POLR1A: variants seen among roughly 807,000 people sequenced by gnomAD.
POLR1A encodes the protein RNA polymerase I subunit A.
In POLR1A, 84 loss-of-function variants were observed where a neutral mutation model predicts 205.3. The ratio of observed to expected loss-of-function variants is 0.41; its 90% confidence interval spans 0.34 to 0.49. The LOEUF is 0.49. POLR1A is among the 20% of genes least tolerant of loss of function. The probability of loss-of-function intolerance (pLI) is 0.22; values close to 1 mark genes in which losing one functional copy is unlikely to be tolerated. For synonymous variants in POLR1A, 799 were observed against 863.7 expected (o/e 0.93, Z 1.31); for missense variants, 1,645 against 2,204.5 (o/e 0.75, Z 5.08).
rs1377284700 is a variant in POLR1A, at chr2:86,047,037, G to C, written c.2733+128C>G. The C allele has an allele frequency of 6.4e-6, 4 of 628,540 alleles. No individual in the cohort carries two copies. In the African/African-American group the frequency reaches 7.2e-5, roughly 11 times the overall value. 38.9% of individuals were successfully genotyped at this position (628,540 alleles called of 1,614,324 possible). On this transcript the variant is annotated intron_variant, in intron 19 of 33. Coordinates refer to ENST00000263857, the MANE Select transcript of POLR1A (RefSeq NM_015425.6). The stretch of plus-strand genomic sequence containing the variant: ...ATGTTAACAGTGGTTAGCTCCTGTA[G>C]TGATTTCTACACGCTTTCCTCTTTT...
Position 86,021,999 on chromosome 2 carries a change from C to T in POLR1A, c.*5424G>A, listed in dbSNP as rs1690150148. 1 of 152,202 alleles carries T rather than the reference C, an allele frequency of 6.6e-6. No homozygotes were observed. The highest frequency in any genetic ancestry group is 1.5e-5 in the Non-Finnish European group (1 of 68,042). 9.4% of individuals were successfully genotyped at this position (152,202 alleles called of 1,614,324 possible). Reference sequence around the variant, plus strand: ...CGGGTAACTCAGAGTTGAGTTAAACCCTGCTCCTTGATGACCACTCGTGGT... The same window carrying T: ...CGGGTAACTCAGAGTTGAGTTAAACTCTGCTCCTTGATGACCACTCGTGGT... On this transcript the variant is annotated 3_prime_UTR_variant, in exon 34 of 34. Coordinates refer to ENST00000263857, the MANE Select transcript of POLR1A (RefSeq NM_015425.6).
chr2:86,066,951 T>C (rs945137483), intron 13 of POLR1A, among the ~76,000 whole-genome samples: 11 of 152,328 alleles, frequency 7.2e-5, no homozygotes, highest in Non-Finnish European at 1.5e-4. Context: ...ACCAGTATTA[T>C]GCATTTGACT....
rs958235624 is a variant in POLR1A, at chr2:86,049,145, G to A, written c.2475+15C>T. On this transcript the variant is annotated intron_variant, in intron 17 of 33. Coordinates refer to ENST00000263857, the MANE Select transcript of POLR1A (RefSeq NM_015425.6). ...CCCCTCTAGGGCAGGCCACGGCCTC[G>A]AAGTCCCTCCTTACCTGGGGCCCGC... The A allele has an allele frequency of 8.7e-6, 14 of 1,611,854 alleles. No homozygotes were observed. Among genetic ancestry groups the A allele is most frequent in the East Asian group, 4.5e-5 (2 of 44,890 alleles).
At chr2:86,083,211 A>C (rs367627166) in intron 6 of POLR1A, 43 bp from the exon 7 acceptor site, 1 of 1,347,506 alleles carries the variant, frequency 7.4e-7, no homozygotes, top group East Asian at 2.3e-5. Flanking sequence ...AATCAGAAAC[A>C]GGTACTCTTT....
chr2:86,056,878 G>A (rs1030767512), intron 14 of POLR1A, among the ~76,000 whole-genome samples: 3 of 152,166 alleles, frequency 2.0e-5, no homozygotes, highest in African/African-American at 7.2e-5. Flanking sequence ...TATTACTACT[G>A]TTCATTGACA....
intron 6 of POLR1A, among the ~76,000 whole-genome samples, chr2:86,086,883 T>C (rs982303535): frequency 7.2e-5 from 11 of 152,356 alleles, no homozygotes; most frequent in South Asian, 2.1e-4. Context: ...TCCCAACTGG[T>C]AATACAAGAA....
At chr2:86,027,739 T>C in intron 33 of POLR1A, 146 bp downstream of exon 33, 1 of 923,268 alleles carries the variant, frequency 1.1e-6, no homozygotes, top group Non-Finnish European at 1.7e-6. Flanking sequence ...GTGTCTGCTG[T>C]TCAGCCCCCT....
intron 11 of POLR1A, among the ~76,000 whole-genome samples, chr2:86,077,431 G>C (rs1237635121): frequency 6.6e-6 from 1 of 152,184 alleles, no homozygotes; most frequent in Non-Finnish European, 1.5e-5. Context: ...ACACATTTCT[G>C]ATGCCTGGAA....
rs1174102017 is a variant in POLR1A at position 86,028,101 on chromosome 2, A to T, written c.4898-52T>A. ...GGGATTAAGCAGTGACCACGGGAGC[A>T]GTCAGCAGACACAAGCCAAGCTGCC... On this transcript the variant is annotated intron_variant, in intron 32 of 33. Transcript: ENST00000263857. This position sits in a 1 kb window ranked among gnomAD's most constrained non-coding sequence, Gnocchi z 4.5. The T allele has an allele frequency of 8.2e-6, 13 of 1,585,440 alleles. No individual in the cohort carries two copies. In the South Asian group the frequency reaches 1.3e-4, roughly 16 times the overall value.
chr2:86,039,322 G>C lies in POLR1A; in HGVS notation c.3876+5C>G. On this transcript the variant is annotated splice_donor_5th_base_variant and intron_variant, in intron 26 of 33. Transcript: ENST00000263857. ...CGTCTGCAACCTGGGAAGGAGAGAC[G>C]TTACCTCCCCCAAGCACACCCTGGT... 1.9e-6 allele frequency: 3 copies of C among 1,613,592 alleles called. No individual in the cohort carries two copies. The highest frequency in any genetic ancestry group is 2.5e-6 in the Non-Finnish European group (3 of 1,179,946).
At chr2:86,036,094 C>T (rs760947656) in intron 27 of POLR1A, among the ~76,000 whole-genome samples, 8 of 152,286 alleles carry the variant, frequency 5.3e-5, no homozygotes, top group South Asian at 2.1e-4. Flanking sequence ...AGAAGCCTCC[C>T]GTCCCACGTA....
Position 86,023,541 on chromosome 2 carries a change from A to C in POLR1A, c.*3882T>G, listed in dbSNP as rs1389457002. ...AACACAGCCCACACCAAACCACGAG[A>C]TGGCACCTCATACACATTAGGGTGG... On this transcript the variant is annotated 3_prime_UTR_variant, in exon 34 of 34. Coordinates refer to ENST00000263857, the MANE Select transcript of POLR1A (RefSeq NM_015425.6). The C allele has an allele frequency of 6.6e-6, 1 of 152,144 alleles. No homozygotes were observed. Among genetic ancestry groups the C allele is most frequent in the East Asian group, 1.9e-4 (1 of 5,196 alleles). 9.4% of individuals were successfully genotyped at this position (152,144 alleles called of 1,614,324 possible). A position where few individuals can be genotyped will look rare whatever the true frequency, so the allele number is the denominator to read the frequency against.
At chr2:86,101,131 A>G (rs1278000777) in intron 1 of POLR1A, among the ~76,000 whole-genome samples, 1 of 152,216 alleles carries the variant, frequency 6.6e-6, no homozygotes, top group Non-Finnish European at 1.5e-5. Flanking sequence ...TTTGGTTTGA[A>G]AGGTGCTCCC....
Position 86,027,262 on chromosome 2 carries a change from A to G in POLR1A, c.*161T>C. Reference sequence around the variant, plus strand: ...TTTCCAGGTGAAGCTGGCCCAGCTCAGAGGCCCACTGCTTTCAGGCCCAAG... The same window carrying G: ...TTTCCAGGTGAAGCTGGCCCAGCTCGGAGGCCCACTGCTTTCAGGCCCAAG... On this transcript the variant is annotated 3_prime_UTR_variant, in exon 34 of 34. Transcript: ENST00000263857. The G allele has an allele frequency of 1.6e-6, 1 of 642,254 alleles. No individual in the cohort carries two copies. Among genetic ancestry groups the G allele is most frequent in the South Asian group, 1.8e-5 (1 of 55,896 alleles). The allele number at this position is 642,254 out of a possible 1,614,324, so 39.8% of individuals were successfully genotyped here. A position where few individuals can be genotyped will look rare whatever the true frequency, so the allele number is the denominator to read the frequency against.
In POLR1A at chr2:86,077,979, G is replaced by C; in HGVS notation, c.1260C>G (p.Ile420Met). The C allele has an allele frequency of 6.2e-7, 1 of 1,613,876 alleles. No homozygotes were observed. The highest frequency in any genetic ancestry group is 8.5e-7 in the Non-Finnish European group (1 of 1,179,932). The change falls in exon 11 of 34, where the codon ATC (isoleucine) becomes ATG (methionine). Residue 420 changes from isoleucine (I) to methionine (M), a missense_variant and splice_region_variant. Physicochemically the swap from Ile to Met is conservative, Grantham distance 10 (BLOSUM62 1). Coordinates refer to ENST00000263857, the MANE Select transcript of POLR1A (RefSeq NM_015425.6). ...MMDKYPGIRQ[I>M]LEKKEGLFRK... Reference sequence around the variant, plus strand: ...GGAACAGGCCTTCTTTCTTCTCCAGGATCTTTATGGAGAAAAAAGGTCATA... The same window carrying C: ...GGAACAGGCCTTCTTTCTTCTCCAGCATCTTTATGGAGAAAAAAGGTCATA...
Position 86,100,135 on chromosome 2 carries a change from G to T in POLR1A, c.115C>A (p.Leu39Met). 6.2e-7 allele frequency: 1 copy of T among 1,614,104 alleles called. No homozygotes were observed. The highest frequency in any genetic ancestry group is 8.5e-7 in the Non-Finnish European group (1 of 1,179,970). ...SVKSITNPRY[L>M]DSLGNPSANG... ...GCCGATGGGTTCCCCAGGCTGTCCAGGTATCGAGGGTTCGTAATGGATTTA... is the reference window on the plus strand; with the variant it reads ...GCCGATGGGTTCCCCAGGCTGTCCATGTATCGAGGGTTCGTAATGGATTTA... The change falls in exon 2 of 34, where the codon CTG (leucine) becomes ATG (methionine). Residue 39 changes from leucine to methionine, a missense_variant. This residue lies in a region of POLR1A where 330 missense variants were observed against 375.6 expected (regional missense o/e 0.88). Coordinates refer to ENST00000263857, the MANE Select transcript of POLR1A (RefSeq NM_015425.6).
Position 86,028,367 on chromosome 2 carries a change from C to T in POLR1A, c.4897+227G>A, listed in dbSNP as rs1672309182. On this transcript the variant is annotated intron_variant, in intron 32 of 33. Coordinates refer to ENST00000263857, the MANE Select transcript of POLR1A (RefSeq NM_015425.6). The surrounding 1 kb of genome is among the most constrained non-coding windows in gnomAD (Gnocchi z 4.5). ...TATCAATCAGGAGCTTTCTCTAAGG[C>T]ACCAGCAGATGAGACACCACTGAAG... 6.6e-6 allele frequency among the ~76,000 whole-genome samples: 1 copy of T among 152,198 alleles called. No individual in the cohort carries two copies. Among genetic ancestry groups the T allele is most frequent in the East Asian group, 1.9e-4 (1 of 5,184 alleles).
At position 86,070,176 on chromosome 2, in the gene POLR1A, G is replaced by A; in HGVS notation, c.1708C>T (p.Pro570Ser). Reference sequence around the variant, plus strand: ...TGGAGCCGCAGCACTTTCTCTTCAGGCAGGATGCGGGCACGGTGGGCCTGG... The same window carrying A: ...TGGAGCCGCAGCACTTTCTCTTCAGACAGGATGCGGGCACGGTGGGCCTGG... Reference protein sequence around the residue: ...SIQAHRARILPEEKVLRLHYA... With the variant: ...SIQAHRARILSEEKVLRLHYA... Residue 570 changes from proline to serine, a missense_variant, in exon 13 of 34, where the codon CCT (proline) becomes TCT (serine). By Grantham distance (74) the Pro-to-Ser change is moderately conservative. This residue lies in a region of POLR1A where 17 missense variants were observed against 29.4 expected (regional missense o/e 0.58). Transcript: ENST00000263857. This position sits in a 1 kb window ranked among gnomAD's most constrained non-coding sequence, Gnocchi z 4.4. 6.2e-7 allele frequency: 1 copy of A among 1,614,214 alleles called. No individual in the cohort carries two copies. Among genetic ancestry groups the A allele is most frequent in the East Asian group, 2.2e-5 (1 of 44,886 alleles).
In POLR1A at chr2:86,105,832, A is replaced by T. The variant is rs1022942113; in HGVS notation, c.-56T>A. ...CAAGAGACGTTCCACTCACCACCTG[A>T]CTATTCTTAATTCAACCTCAAGCCC... On this transcript the variant is annotated 5_prime_UTR_variant, in exon 1 of 34. Transcript: ENST00000263857. The T allele has an allele frequency of 7.7e-6, 11 of 1,437,032 alleles. No homozygotes were observed. Among genetic ancestry groups the T allele is most frequent in the South Asian group, 4.6e-5 (4 of 87,006 alleles). The allele number at this position is 1,437,032 out of a possible 1,614,324, so 89.0% of individuals were successfully genotyped here.
Sources: allele counts gnomAD v4.1 joint callset (sites outside exome capture counted in the v4.1 genomes callset), GRCh38; gene constraint gnomAD v4.1.1; regional missense constraint gnomAD v4.1.1; non-coding constraint Gnocchi (gnomAD v3.1); transcripts MANE v1.5; gene names NCBI Gene and HGNC (gene_info 2026-07-23, HGNC 2026-07-21).